NPFFR2: variants seen among roughly 807,000 people sequenced by gnomAD.
The protein encoded by NPFFR2 is neuropeptide FF receptor 2.
A neutral mutation model predicts 13.1 loss-of-function variants in NPFFR2; 15 were observed. The observed-to-expected ratio is 1.15, with a 90% CI of 0.77 to 1.76. NPFFR2 has a LOEUF of 1.76. Among genes scored for constraint, NPFFR2 ranks in the 40% most tolerant of loss-of-function variants. The pLI is 0.00. For synonymous variants in NPFFR2, 190 were observed against 175.7 expected (o/e 1.08, Z -0.65); for missense variants, 572 against 503.5 (o/e 1.14, Z -1.30).
chr4:72,046,820 T>G (rs1322283515), intron 1 of NPFFR2, among the ~76,000 whole-genome samples: 2 of 152,118 alleles, frequency 1.3e-5, no homozygotes, highest in Admixed American at 6.5e-5. Context: ...TAAGGGGTGG[T>G]GACCAAAAGG....
chr4:72,048,415 A>G lies in NPFFR2; in HGVS notation c.-8+16215A>G, dbSNP rs115981102. ...TTTTAATCAGATAAAAATTCCTAAA[A>G]CATAAATTGCAATCTTAATTTTTCT... is the stretch of plus-strand genomic sequence containing the variant. On this transcript the variant is annotated intron_variant, in intron 1 of 3. Coordinates refer to ENST00000308744, the MANE Select transcript of NPFFR2 (RefSeq NM_004885.3). Among the ~76,000 whole-genome samples the G allele has an allele frequency of 4.4e-3, 677 of 152,216 alleles. 6 individuals are homozygous for G. The highest frequency in any genetic ancestry group is 0.015 in the African/African-American group (638 of 41,560).
At chr4:72,073,164 G>T (rs1560402381) in intron 1 of NPFFR2, among the ~76,000 whole-genome samples, 1 of 151,988 alleles carries the variant, frequency 6.6e-6, no homozygotes, top group African/African-American at 2.4e-5. Context: ...CTGTGTAACT[G>T]ATTTAATTGT....
chr4:72,117,135 A>G (rs547457481), intron 1 of NPFFR2, among the ~76,000 whole-genome samples: 2 of 152,102 alleles, frequency 1.3e-5, no homozygotes, highest in Admixed American at 6.6e-5. Flanking sequence ...ACCTTGCTAT[A>G]GCCTGTAAGC....
chr4:72,064,273 C>T (rs547494057), intron 1 of NPFFR2, among the ~76,000 whole-genome samples: 15 of 152,222 alleles, frequency 9.9e-5, no homozygotes, highest in Non-Finnish European at 1.9e-4. Context: ...TCTCAGGCTG[C>T]CATCAAGGCT....
At chr4:72,086,889 T>A (rs1175564584) in intron 1 of NPFFR2, among the ~76,000 whole-genome samples, 13 of 152,068 alleles carry the variant, frequency 8.5e-5, no homozygotes, top group African/African-American at 3.1e-4. Flanking sequence ...CAAAAATATA[T>A]TTCCTAGATT....
intron 1 of NPFFR2, among the ~76,000 whole-genome samples, chr4:72,107,954 C>T (rs2109816339): frequency 6.6e-6 from 1 of 151,996 alleles, no homozygotes; most frequent in East Asian, 1.9e-4. Context: ...TTTCTAAAAA[C>T]AGAGATCTTA....
intron 1 of NPFFR2, among the ~76,000 whole-genome samples, chr4:72,078,172 T>C (rs1183479601): frequency 1.3e-5 from 2 of 152,142 alleles, no homozygotes; most frequent in Non-Finnish European, 2.9e-5. Context: ...TGCATATAGG[T>C]ACCCTATTGT....
At chr4:72,135,809 TTTTAA>T (rs991700783) in intron 2 of NPFFR2, among the ~76,000 whole-genome samples, 4 of 140,376 alleles carry the variant, frequency 2.8e-5, no homozygotes, top group East Asian at 2.1e-4. Context: ...TTAAAAATTG[TTTTAA>T]TTTGTTTTTT....
intron 1 of NPFFR2, among the ~76,000 whole-genome samples, chr4:72,100,025 A>T (rs1172414430): frequency 1.3e-5 from 2 of 152,288 alleles, no homozygotes; most frequent in Non-Finnish European, 1.5e-5. Context: ...TTTAAATTAT[A>T]GCTTCATATT....
intron 1 of NPFFR2, among the ~76,000 whole-genome samples, chr4:72,076,023 C>A (rs1397256316): frequency 9.4e-6 from 1 of 106,218 alleles, no homozygotes; most frequent in Admixed American, 1.1e-4. Context: ...AGAGAGAGGG[C>A]AGACAGCACA....
intron 1 of NPFFR2, among the ~76,000 whole-genome samples, chr4:72,070,811 G>A (rs1720230806): frequency 6.6e-6 from 1 of 152,018 alleles, no homozygotes; most frequent in South Asian, 2.1e-4. Flanking sequence ...ACTAAGGGGT[G>A]GATGCATAGC....
chr4:72,037,208 G>C (rs1448031659), intron 1 of NPFFR2, among the ~76,000 whole-genome samples: 1 of 150,982 alleles, frequency 6.6e-6, no homozygotes, highest in Non-Finnish European at 1.5e-5. Flanking sequence ...AGGCAACATA[G>C]TGAGATCCTG....
chr4:72,098,995 C>T (rs895697190), intron 1 of NPFFR2, among the ~76,000 whole-genome samples: 2 of 152,176 alleles, frequency 1.3e-5, no homozygotes, highest in African/African-American at 4.8e-5. Context: ...ATGCAGCATA[C>T]AGTATTGCCT....
At chr4:72,122,101 A>G (rs1721900742) in intron 1 of NPFFR2, among the ~76,000 whole-genome samples, 1 of 152,198 alleles carries the variant, frequency 6.6e-6, no homozygotes, top group African/African-American at 2.4e-5. Context: ...AGGGGTTGCA[A>G]TCCTAGTGTC....
chr4:72,055,907 G>T (rs190299981), intron 1 of NPFFR2, among the ~76,000 whole-genome samples: 42 of 152,048 alleles, frequency 2.8e-4, no homozygotes, highest in African/African-American at 9.9e-4. Context: ...AGCTAAAAGA[G>T]GTGAGGAAGC....
rs760299929 is a variant in NPFFR2, at chr4:72,138,128, T to A, written c.417T>A (p.Ile139=). The A allele has an allele frequency of 6.2e-7, 1 of 1,612,322 alleles. No individual in the cohort carries two copies. The highest frequency in any genetic ancestry group is 2.2e-5 in the East Asian group (1 of 44,852). The change falls in exon 3 of 4, where the codon ATT becomes ATA. Residue 139 remains isoleucine, a synonymous_variant. Transcript: ENST00000308744. ...VAASVFTLVA[I]AVDRFQCVVY... ...CTTCAGTCTTTACGTTAGTTGCAAT[T>A]GCTGTAGATAGGTAAGTCTGCACCA...
chr4:72,103,767 G>A (rs1438940333), intron 1 of NPFFR2, among the ~76,000 whole-genome samples: 2 of 152,016 alleles, frequency 1.3e-5, no homozygotes, highest in Non-Finnish European at 2.9e-5. Context: ...AATGATTTAT[G>A]TTGTCTTTAT....
In NPFFR2 at chr4:72,073,560, A is replaced by G. The variant is rs182237330; in HGVS notation, c.-8+41360A>G. ...GATTCTACTTTTTGTTCTCTACTCT[A>G]TTTAAGAGACTTACACATTTAAAAA... On this transcript the variant is annotated intron_variant, in intron 1 of 3. Transcript: ENST00000308744. Among the ~76,000 whole-genome samples the G allele has an allele frequency of 1.4e-3, 218 of 152,130 alleles. 1 individual carries two copies. Among genetic ancestry groups the G allele is most frequent in the Admixed American group, 9.0e-3 (138 of 15,262 alleles).
chr4:72,066,802 A>AG (rs1375949124), intron 1 of NPFFR2, among the ~76,000 whole-genome samples: 1 of 152,174 alleles, frequency 6.6e-6, no homozygotes, highest in African/African-American at 2.4e-5. Flanking sequence ...CCAAGGCTCC[A>AG]GGGGACTACA....
Sources: gnomAD v4.1 joint callset for allele counts (sites outside exome capture counted in the v4.1 genomes callset) on GRCh38, gnomAD v4.1.1 for gene constraint, MANE v1.5 for transcripts, NCBI Gene and HGNC (gene_info 2026-07-23, HGNC 2026-07-21) for gene names.